The following SLC5A11 variants were observed in gnomAD, a reference collection of about 807,000 sequenced individuals.
SLC5A11 encodes the protein sodium/myo-inositol cotransporter 2.
In SLC5A11, 48 loss-of-function variants were observed where a neutral mutation model predicts 69.8. The observed-to-expected ratio is 0.69, with a 90% CI of 0.55 to 0.87. The LOEUF (loss-of-function observed/expected upper bound fraction) is 0.87. Among genes scored for constraint, SLC5A11 ranks in the 40% least tolerant of loss-of-function variants. SLC5A11 has a pLI of 0.00. For synonymous variants in SLC5A11, 319 were observed against 342.4 expected (o/e 0.93, Z 0.75); for missense variants, 784 against 866.1 (o/e 0.91, Z 1.19).
intron 8 of SLC5A11, 92 bp downstream of exon 9, chr16:24,884,223 T>C: frequency 7.9e-7 from 1 of 1,266,054 alleles, no homozygotes; most frequent in Non-Finnish European, 1.1e-6. Flanking sequence ...CAAACCTAGC[T>C]GTCAAAGAGC....
In SLC5A11 at chr16:24,873,826, A is replaced by ATTT. The variant is rs59598384; in HGVS notation, c.372+1622_372+1624dup. Among the ~76,000 whole-genome samples, 408 of 138,174 alleles carry ATTT rather than the reference A, an allele frequency of 3.0e-3. 3 individuals are homozygous for ATTT. The highest frequency in any genetic ancestry group is 9.3e-3 in the African/African-American group (340 of 36,732). The allele number at this position is 138,174 out of a possible 152,430, so 90.6% of individuals were successfully genotyped here. ...TCATAGATAATTGAAAACTGGAGTA[A>ATTT]TTTTTTTTTTTTTTTTTGAGGCAGA... On this transcript the variant is annotated intron_variant, in intron 5 of 15. Transcript: ENST00000347898.
chr16:24,849,589 A>ATACATATATATATAT (rs60706405), intron 1 of SLC5A11, among the ~76,000 whole-genome samples: 47 of 63,768 alleles, frequency 7.4e-4, no homozygotes, highest in Non-Finnish European at 1.2e-3. Context: ...AAAAAAAAAA[A>ATACATATATATATAT]AAAAATATAT....
intron 9 of SLC5A11, among the ~76,000 whole-genome samples, chr16:24,894,399 A>G (rs2049009170): frequency 6.6e-6 from 1 of 152,204 alleles, no homozygotes. Flanking sequence ...GACAGATGCC[A>G]TAACAGATGG....
At chr16:24,872,351 C>T in intron 5 of SLC5A11, 132 bp downstream of exon 6, 1 of 1,028,842 alleles carries the variant, frequency 9.7e-7, no homozygotes, top group Non-Finnish European at 1.5e-6. Flanking sequence ...CTCAGAGGCC[C>T]CAGTAAAGGG....
chr16:24,907,019 C>T lies in SLC5A11; in HGVS notation c.1115-6C>T, dbSNP rs2050118116. The T allele has an allele frequency of 1.9e-6, 3 of 1,613,422 alleles. No individual in the cohort carries two copies. Among genetic ancestry groups the T allele is most frequent in the Non-Finnish European group, 2.5e-6 (3 of 1,179,710 alleles). ...CCGAGGCCCATGACCTCCCTTCCGC[C>T]CCCAGGGCTCCGTGGGCTGATGATG... On this transcript the variant is annotated splice_region_variant and splice_polypyrimidine_tract_variant and intron_variant, in intron 11 of 15. Coordinates refer to ENST00000347898, the Ensembl canonical transcript of SLC5A11.
At chr16:24,867,040 C>CAT (rs2046963686) in intron 3 of SLC5A11, among the ~76,000 whole-genome samples, 1 of 152,096 alleles carries the variant, frequency 6.6e-6, no homozygotes, top group South Asian at 2.1e-4. Flanking sequence ...ACCTAACAGA[C>CAT]ATATATAAAA....
At chr16:24,884,329 T>G (rs1188159015) in intron 8 of SLC5A11, among the ~76,000 whole-genome samples, 198 bp downstream of exon 9, 2 of 151,982 alleles carry the variant, frequency 1.3e-5, no homozygotes, top group Non-Finnish European at 1.5e-5. Flanking sequence ...CTTACTGTTT[T>G]TGTTTTTGTT....
intron 9 of SLC5A11, among the ~76,000 whole-genome samples, chr16:24,891,289 G>C (rs1407065314): frequency 6.7e-6 from 1 of 149,448 alleles, no homozygotes; most frequent in African/African-American, 2.5e-5. Context: ...TTTGCAAAGG[G>C]GAAAACTCAA....
intron 3 of SLC5A11, among the ~76,000 whole-genome samples, chr16:24,869,515 G>C (rs981493279): frequency 6.6e-6 from 1 of 152,192 alleles, no homozygotes; most frequent in African/African-American, 2.4e-5. Context: ...ATCTGGGGGA[G>C]TAACACAGGC....
At chr16:24,851,991 CTCT>C (rs1555516846) in intron 1 of SLC5A11, among the ~76,000 whole-genome samples, 39 of 150,168 alleles carry the variant, frequency 2.6e-4, no homozygotes, top group African/African-American at 7.4e-4. Flanking sequence ...CTCTCTCTCT[CTCT>C]CCCACTCTAT....
At chr16:24,875,574 C>A in intron 5 of SLC5A11, 53 bp from the exon 7 acceptor site, 1 of 1,371,630 alleles carries the variant, frequency 7.3e-7, no homozygotes, top group Non-Finnish European at 1.0e-6. Flanking sequence ...GTGGGGGGGT[C>A]ACGTGCTGGT....
intron 3 of SLC5A11, among the ~76,000 whole-genome samples, chr16:24,868,898 GTC>G (rs1319089177): frequency 7.6e-5 from 11 of 144,018 alleles, no homozygotes; most frequent in Middle Eastern, 3.6e-3. Flanking sequence ...TTGAGACGGA[GTC>G]TCTGTCGTCC....
rs375806988 is a variant in SLC5A11, at chr16:24,911,312, G to A, written c.1823-16G>A. 26 of 1,613,160 alleles carry A rather than the reference G, an allele frequency of 1.6e-5. No homozygotes were observed. In the African/African-American group the frequency reaches 3.5e-4, roughly 22 times the overall value. ...CAGACCACCTCTACGGTCTTCCTTT[G>A]CTGGGTTCTTTCTAGGTGACATGAC... On this transcript the variant is annotated splice_polypyrimidine_tract_variant and intron_variant, in intron 15 of 15. Coordinates refer to ENST00000347898, the Ensembl canonical transcript of SLC5A11.
chr16:24,877,021 A>G (rs952475411), intron 6 of SLC5A11: 1 of 1,310,026 alleles, frequency 7.6e-7, no homozygotes, highest in African/African-American at 1.5e-5. Context: ...GTGGGAGAGG[A>G]CCAAAAGCAG....
chr16:24,861,653 A>T (rs1314475422), intron 2 of SLC5A11, among the ~76,000 whole-genome samples: 1 of 147,168 alleles, frequency 6.8e-6, no homozygotes, highest in African/African-American at 2.6e-5. Context: ...GACAAGAAGA[A>T]GAAAGAAAAA....
chr16:24,877,012 TG>T, intron 6 of SLC5A11: 1 of 1,232,108 alleles, frequency 8.1e-7, no homozygotes, highest in Non-Finnish European at 1.0e-6. Flanking sequence ...GAAGATGGAG[TG>T]GGAGAGGACC....
chr16:24,908,082 T>C (rs1345263118), exon 13 of SLC5A11: 1 of 1,608,474 alleles, frequency 6.2e-7, no homozygotes, highest in African/African-American at 1.3e-5. Flanking sequence ...CAGCCGCCTG[T>C]GGCGGTGGTC....
exon 9 of SLC5A11, chr16:24,890,923 T>C: frequency 6.2e-7 from 1 of 1,614,186 alleles, no homozygotes; most frequent in Non-Finnish European, 8.5e-7. Flanking sequence ...TTCTTGGCCC[T>C]GGCTAGCAAC....
intron 12 of SLC5A11, among the ~76,000 whole-genome samples, chr16:24,907,574 G>A (rs2050160533): frequency 6.6e-6 from 1 of 152,202 alleles, no homozygotes; most frequent in Non-Finnish European, 1.5e-5. Flanking sequence ...TAGCTGTGGT[G>A]GCGTGTGCCT....
Sources: allele counts gnomAD v4.1 joint callset (sites outside exome capture counted in the v4.1 genomes callset), GRCh38; gene constraint gnomAD v4.1.1; transcripts MANE v1.5; gene names NCBI Gene and HGNC (gene_info 2026-07-23, HGNC 2026-07-21).